The following AUH variants were observed in gnomAD, a reference collection of about 807,000 sequenced individuals.
AUH encodes methylglutaconyl-CoA hydratase, mitochondrial.
A neutral mutation model predicts 42.3 loss-of-function variants in AUH; 29 were observed. That is an observed-to-expected ratio of 0.69 (90% CI 0.51 to 0.93). AUH has a LOEUF of 0.93. Ranked by LOEUF, AUH falls within the 40% of genes least tolerant of loss-of-function variation. AUH has a pLI of 0.00. For missense variants in AUH, 452 were observed against 438.1 expected, an observed-to-expected ratio of 1.03 and a Z score of -0.28; for synonymous variants, 174 against 166.4, an observed-to-expected ratio of 1.05 and a Z score of -0.35.
Position 91,358,930 on chromosome 9 carries a change from G to GT in AUH, c.262+2697dup, listed in dbSNP as rs199536397. ...TAGCTTTATTCAGCAAAGTCTAAAA[G>GT]TTTTTTTTTATAACTGTCTCACTTT... On this transcript the variant is annotated intron_variant, in intron 1 of 9. Coordinates refer to ENST00000375731, the MANE Select transcript of AUH (RefSeq NM_001698.3). Among the ~76,000 whole-genome samples, 17 of 151,612 alleles carry GT rather than the reference G, an allele frequency of 1.1e-4. 1 individual carries two copies. Among genetic ancestry groups the GT allele is most frequent in the South Asian group, 6.2e-4 (3 of 4,812 alleles).
chr9:91,321,016 C>T (rs1314866467), intron 4 of AUH, among the ~76,000 whole-genome samples: 1 of 152,132 alleles, frequency 6.6e-6, no homozygotes, highest in African/African-American at 2.4e-5. Flanking sequence ...TAAGTGCATA[C>T]AAGTTTAAGG....
At chr9:91,218,877 G>C in intron 7 of AUH, 5 of 985,388 alleles carry the variant, frequency 5.1e-6, no homozygotes, top group Non-Finnish European at 6.0e-6. Context: ...TTGGTGACTC[G>C]TGCATGTAAT....
intron 4 of AUH, among the ~76,000 whole-genome samples, chr9:91,313,487 T>C (rs975363882): frequency 1.3e-5 from 2 of 150,576 alleles, no homozygotes; most frequent in Non-Finnish European, 3.0e-5. Flanking sequence ...GGGTGGATCA[T>C]GAGGTCAGGA....
At chr9:91,339,159 T>C (rs1471504112) in intron 3 of AUH, among the ~76,000 whole-genome samples, 2 of 152,226 alleles carry the variant, frequency 1.3e-5, no homozygotes, top group African/African-American at 4.8e-5. Context: ...GCAATGGGGT[T>C]ATATCCCAAT....
At chr9:91,338,754 T>C (rs528147816) in intron 3 of AUH, among the ~76,000 whole-genome samples, 2 of 152,328 alleles carry the variant, frequency 1.3e-5, no homozygotes, top group South Asian at 2.1e-4. Context: ...TATAAAATGC[T>C]ACTAGCATAA....
chr9:91,310,127 C>T (rs1166390872), intron 4 of AUH, among the ~76,000 whole-genome samples: 1 of 152,200 alleles, frequency 6.6e-6, no homozygotes, highest in Non-Finnish European at 1.5e-5. Flanking sequence ...GCGAGACCTT[C>T]CATCCCAATC....
At chr9:91,267,511 C>G (rs1406298818) in intron 6 of AUH, among the ~76,000 whole-genome samples, 1 of 152,162 alleles carries the variant, frequency 6.6e-6, no homozygotes, top group Admixed American at 6.5e-5. Context: ...CAATGTATGT[C>G]TTCAGTTGCC....
chr9:91,361,915 C>T lies in AUH; in HGVS notation c.-26G>A. 7.3e-7 allele frequency: 1 copy of T among 1,360,698 alleles called. No homozygotes were observed. Among genetic ancestry groups the T allele is most frequent in the Admixed American group, 3.4e-5 (1 of 29,786 alleles). The allele number at this position is 1,360,698 out of a possible 1,614,324, so 84.3% of individuals were successfully genotyped here. The stretch of plus-strand genomic sequence containing the variant: ...GTTGTCTGTTTACGGCGTGGACCTG[C>T]GACGGCCGCTCCGCCCCCGCCCGGC... On this transcript the variant is annotated 5_prime_UTR_variant, in exon 1 of 10. Coordinates refer to ENST00000375731, the MANE Select transcript of AUH (RefSeq NM_001698.3).
chr9:91,248,399 C>T (rs747726763), intron 6 of AUH, among the ~76,000 whole-genome samples: 2 of 152,156 alleles, frequency 1.3e-5, no homozygotes, highest in Non-Finnish European at 2.9e-5. Context: ...AAAATGCCTA[C>T]AACTATTAGA....
chr9:91,217,247 C>A, intron 8 of AUH, 30 bp downstream of exon 8: 1 of 1,606,352 alleles, frequency 6.2e-7, no homozygotes, highest in Non-Finnish European at 8.5e-7. Flanking sequence ...TCTCCATTCC[C>A]AAAACAAACT....
chr9:91,342,142 T>C (rs1352816008), intron 3 of AUH, among the ~76,000 whole-genome samples: 1 of 152,212 alleles, frequency 6.6e-6, no homozygotes. Flanking sequence ...TAAAATGGGT[T>C]GGCAAGGCTG....
At chr9:91,313,074 G>A (rs1227563363) in intron 4 of AUH, among the ~76,000 whole-genome samples, 3 of 152,164 alleles carry the variant, frequency 2.0e-5, no homozygotes, top group South Asian at 2.1e-4. Context: ...CTTTGCGGGG[G>A]GGGTTGTTTT....
chr9:91,361,008 T>A (rs1832806603), intron 1 of AUH, among the ~76,000 whole-genome samples: 1 of 152,208 alleles, frequency 6.6e-6, no homozygotes, highest in African/African-American at 2.4e-5. Context: ...TTGCTAATGA[T>A]GTCTCCTCCC....
chr9:91,281,000 C>T (rs1007223819), intron 6 of AUH, among the ~76,000 whole-genome samples: 4 of 152,036 alleles, frequency 2.6e-5, no homozygotes, highest in South Asian at 2.1e-4. Context: ...TGTCTGATCG[C>T]GGATTTCTCT....
intron 6 of AUH, among the ~76,000 whole-genome samples, chr9:91,241,620 T>C (rs1219624897): frequency 1.3e-5 from 2 of 152,064 alleles, no homozygotes; most frequent in Non-Finnish European, 2.9e-5. Flanking sequence ...TAAAGAAAAG[T>C]CTTGATTACA....
intron 6 of AUH, among the ~76,000 whole-genome samples, chr9:91,290,893 A>C (rs1444216198): frequency 6.6e-6 from 1 of 152,192 alleles, no homozygotes; most frequent in African/African-American, 2.4e-5. Context: ...AATCATGTAA[A>C]CATCACCAAA....
chr9:91,252,572 T>A (rs1829195296), intron 6 of AUH, among the ~76,000 whole-genome samples: 1 of 152,158 alleles, frequency 6.6e-6, no homozygotes, highest in African/African-American at 2.4e-5. Flanking sequence ...AAAGACTGTG[T>A]GTGGCCATCT....
intron 6 of AUH, among the ~76,000 whole-genome samples, chr9:91,261,428 C>G (rs537579989): frequency 6.6e-6 from 1 of 152,252 alleles, no homozygotes; most frequent in South Asian, 2.1e-4. Flanking sequence ...ATCTGCTATT[C>G]AGAATTTTAA....
chr9:91,262,889 T>C (rs1829776702), intron 6 of AUH, among the ~76,000 whole-genome samples: 1 of 152,176 alleles, frequency 6.6e-6, no homozygotes. Context: ...AGAAATTTGC[T>C]TGGGGAGGGA....
Sources: allele counts gnomAD v4.1 joint callset (sites outside exome capture counted in the v4.1 genomes callset), GRCh38; gene constraint gnomAD v4.1.1; transcripts MANE v1.5; gene names NCBI Gene and HGNC (gene_info 2026-07-23, HGNC 2026-07-21).